CREB5: variants seen among roughly 807,000 people sequenced by gnomAD.
CREB5 encodes the protein cAMP responsive element binding protein 5, also known as cyclic AMP-responsive element-binding protein 5.
A neutral mutation model predicts 57.1 loss-of-function variants in CREB5; 19 were observed. The ratio of observed to expected loss-of-function variants is 0.33; its 90% CI spans 0.23 to 0.49. The LOEUF (loss-of-function observed/expected upper bound fraction) is 0.49. Among genes scored for constraint, CREB5 ranks in the 20% least tolerant of loss-of-function variants. The pLI is 0.99. For missense variants in CREB5, 579 were observed against 671.6 expected (o/e 0.86, Z 1.52); for synonymous variants, 238 against 238.3 (o/e 1.00, Z 0.01).
chr7:28,395,671 C>G (rs73684334), intron 1 of CREB5, among the ~76,000 whole-genome samples: 5,903 of 152,246 alleles, frequency 0.039, 411 homozygotes, highest in African/African-American at 0.14. Flanking sequence ...CCGAAACAGG[C>G]CTCTGCTTTA....
At chr7:28,613,850 G>A (rs1462120272) in intron 5 of CREB5, among the ~76,000 whole-genome samples, 1 of 152,120 alleles carries the variant, frequency 6.6e-6, no homozygotes, top group East Asian at 1.9e-4. Flanking sequence ...ATCCTTTCAG[G>A]GGCAACCTGC....
At chr7:28,522,161 C>G (rs1464194303) in intron 4 of CREB5, among the ~76,000 whole-genome samples, 2 of 152,136 alleles carry the variant, frequency 1.3e-5, no homozygotes, top group African/African-American at 4.8e-5. Flanking sequence ...TGCTGAAAGT[C>G]ATGAAGCTAG....
At chr7:28,683,327 A>G (rs1367595209) in intron 5 of CREB5, among the ~76,000 whole-genome samples, 1 of 152,104 alleles carries the variant, frequency 6.6e-6, no homozygotes, top group Non-Finnish European at 1.5e-5. Context: ...GTGGGGAGGC[A>G]CCCAGCAGCC....
chr7:28,710,694 C>A (rs1802358424), intron 5 of CREB5, among the ~76,000 whole-genome samples: 1 of 152,100 alleles, frequency 6.6e-6, no homozygotes, highest in Non-Finnish European at 1.5e-5. Flanking sequence ...GCCTACAGAA[C>A]ACATTTAATT....
chr7:28,684,614 A>G (rs892949992), intron 5 of CREB5, among the ~76,000 whole-genome samples: 9 of 152,252 alleles, frequency 5.9e-5, no homozygotes, highest in Non-Finnish European at 7.3e-5. Context: ...AACACAGTTT[A>G]GAAGTCAAGA....
chr7:28,758,708 T>G (rs1805477757), intron 7 of CREB5, among the ~76,000 whole-genome samples: 1 of 152,210 alleles, frequency 6.6e-6, no homozygotes, highest in Non-Finnish European at 1.5e-5. Flanking sequence ...TAAAGTCACT[T>G]TAACATGAGA....
chr7:28,317,313 G>C (rs1297092638), intron 1 of CREB5, among the ~76,000 whole-genome samples: 1 of 152,190 alleles, frequency 6.6e-6, no homozygotes, highest in Non-Finnish European at 1.5e-5. Context: ...CTTTGAATCA[G>C]AGGTGGATTT....
chr7:28,414,771 A>G (rs1787961771), intron 1 of CREB5, among the ~76,000 whole-genome samples: 1 of 152,144 alleles, frequency 6.6e-6, no homozygotes, highest in African/African-American at 2.4e-5. Context: ...CAAATCATAG[A>G]TTTAACATAG....
intron 1 of CREB5, among the ~76,000 whole-genome samples, chr7:28,304,156 T>C (rs967554980): frequency 1.3e-5 from 2 of 152,204 alleles, no homozygotes; most frequent in Non-Finnish European, 2.9e-5. Flanking sequence ...GTGAGCCTGG[T>C]CTCAGGGGAA....
chr7:28,772,753 G>T (rs1562630603), intron 7 of CREB5, among the ~76,000 whole-genome samples: 1 of 152,172 alleles, frequency 6.6e-6, no homozygotes. Flanking sequence ...GAGACTAAAA[G>T]ACTTGTCCAG....
intron 7 of CREB5, among the ~76,000 whole-genome samples, chr7:28,735,104 T>A (rs1024837104): frequency 3.3e-5 from 5 of 149,434 alleles, no homozygotes; most frequent in Admixed American, 6.6e-5. Context: ...ACTTAATCGT[T>A]TTGGTTTTTT....
At chr7:28,379,921 GCT>G (rs1005667837) in intron 1 of CREB5, among the ~76,000 whole-genome samples, 1 of 152,082 alleles carries the variant, frequency 6.6e-6, no homozygotes, top group Non-Finnish European at 1.5e-5. Flanking sequence ...TTTGTTTCTC[GCT>G]CTGTCACCCA....
intron 7 of CREB5, among the ~76,000 whole-genome samples, chr7:28,772,423 A>C (rs1230359133): frequency 6.6e-6 from 1 of 152,156 alleles, no homozygotes; most frequent in Non-Finnish European, 1.5e-5. Context: ...AAAGGCTGGG[A>C]GCCCAGGCGC....
chr7:28,752,500 T>A (rs1053382172), intron 7 of CREB5, among the ~76,000 whole-genome samples: 1 of 152,210 alleles, frequency 6.6e-6, no homozygotes, highest in Non-Finnish European at 1.5e-5. Context: ...CTCAGAAGAA[T>A]ATTTTGAGAC....
intron 1 of CREB5, among the ~76,000 whole-genome samples, chr7:28,317,060 G>A (rs1233623708): frequency 1.3e-5 from 2 of 149,766 alleles, no homozygotes; most frequent in African/African-American, 2.5e-5. Context: ...TAGAACTGAC[G>A]CCCACATAGG....
chr7:28,660,834 G>T (rs1264505697), intron 5 of CREB5, among the ~76,000 whole-genome samples: 1 of 151,988 alleles, frequency 6.6e-6, no homozygotes, highest in Non-Finnish European at 1.5e-5. Flanking sequence ...CATCCTCCTT[G>T]GCACTGCCTG....
chr7:28,814,563 T>G (rs1211874158), intron 9 of CREB5, among the ~76,000 whole-genome samples: 1 of 152,162 alleles, frequency 6.6e-6, no homozygotes, highest in Non-Finnish European at 1.5e-5. Context: ...ATATTGAAAG[T>G]AGCTAAGTAA....
At chr7:28,458,812 C>T (rs1790223224) in intron 1 of CREB5, among the ~76,000 whole-genome samples, 1 of 152,134 alleles carries the variant, frequency 6.6e-6, no homozygotes, top group South Asian at 2.1e-4. Flanking sequence ...AATGCAATAC[C>T]TAGGTGGCGC....
chr7:28,783,132 A>G (rs1395317695), intron 7 of CREB5, among the ~76,000 whole-genome samples: 1 of 152,174 alleles, frequency 6.6e-6, no homozygotes, highest in Non-Finnish European at 1.5e-5. Flanking sequence ...CCAGAACACT[A>G]ATGTTCAATA....
Sources: gnomAD v4.1 joint callset for allele counts (sites outside exome capture counted in the v4.1 genomes callset) on GRCh38, gnomAD v4.1.1 for gene constraint, MANE v1.5 for transcripts, NCBI Gene and HGNC (gene_info 2026-07-23, HGNC 2026-07-21) for gene names.